Variants in ARHGAP29 observed in about 807,000 individuals in gnomAD.
The protein encoded by ARHGAP29 is Rho GTPase activating protein 29, also known as rho GTPase-activating protein 29.
Under a neutral mutation model 122.6 loss-of-function variants are expected in ARHGAP29, and 43 were observed. That is an observed-to-expected ratio of 0.35 (90% CI 0.27 to 0.45). The LOEUF (loss-of-function observed/expected upper bound fraction) is 0.45, where lower values mean the gene tolerates loss of function less well. Ranked by LOEUF, ARHGAP29 falls within the 20% of genes least tolerant of loss-of-function variation. ARHGAP29 has a pLI of 1.00. For missense variants in ARHGAP29, 1,303 were observed against 1,477.2 expected (o/e 0.88, Z 1.93); for synonymous variants, 506 against 497.1 (o/e 1.02, Z -0.24).
intron 1 of ARHGAP29, chr1:94,248,125 C>G (rs1299944680): frequency 6.6e-6 from 1 of 152,200 alleles, no homozygotes; most frequent in African/African-American, 2.4e-5. Context: ...TTCTCCCATT[C>G]AAAACAAAAG....
In ARHGAP29 at chr1:94,255,913, G is replaced by T. The variant is rs558338512; in HGVS notation, c.-33+19099C>A. On this transcript the variant is annotated intron_variant and NMD_transcript_variant, in intron 1 of 25. Transcript: ENST00000552844. Reference sequence around the variant, plus strand: ...AATACTAATTCCATCACTGTGCTTGGTTTATAATATGAGCTCAATAAGCAT... The same window carrying T: ...AATACTAATTCCATCACTGTGCTTGTTTTATAATATGAGCTCAATAAGCAT... Among the ~76,000 whole-genome samples the T allele has an allele frequency of 2.6e-5, 4 of 152,204 alleles. No individual in the cohort carries two copies. The South Asian group carries it at 8.3e-4, about 32-fold the overall frequency.
chr1:94,284,871 A>G, the ARHGAP29 span, among the ~76,000 whole-genome samples: 2 of 152,218 alleles, frequency 1.3e-5, no homozygotes, highest in African/African-American at 4.8e-5. Flanking sequence ...CTCCATAAAC[A>G]TATGTTGAAG....
rs148211924 is a variant in ARHGAP29, at chr1:94,212,562, G to A, written c.341-3212C>T. Reference sequence around the variant, plus strand: ...ATAGTTTATAACCCTATCCAAAATTGTATAATTATTCTTACTTTCTTGTAT... The same window carrying A: ...ATAGTTTATAACCCTATCCAAAATTATATAATTATTCTTACTTTCTTGTAT... On this transcript the variant is annotated intron_variant, in intron 3 of 22. Transcript: ENST00000260526. Among the ~76,000 whole-genome samples, 241 of 152,104 alleles carry A rather than the reference G, an allele frequency of 1.6e-3. 3 individuals are homozygous for A. Among genetic ancestry groups the A allele is most frequent in the African/African-American group, 5.4e-3 (225 of 41,516 alleles).
Position 94,173,466 on chromosome 1 carries a change from T to C in ARHGAP29, c.*403A>G, listed in dbSNP as rs1345924278. On this transcript the variant is annotated 3_prime_UTR_variant, in exon 23 of 23. Coordinates refer to ENST00000260526, the MANE Select transcript of ARHGAP29 (RefSeq NM_004815.4). ...GGCACTTGCATTCAGAAACATTCCT[T>C]TTATAAATAAGCACTTATAACAGTT... 1.3e-5 allele frequency: 2 copies of C among 158,342 alleles called. No homozygotes were observed. The highest frequency in any genetic ancestry group is 4.8e-5 in the African/African-American group (2 of 41,526). The allele number at this position is 158,342 out of a possible 1,614,324, so 9.8% of individuals were successfully genotyped here.
chr1:94,215,324 C>CAA (rs570194324), intron 3 of ARHGAP29, among the ~76,000 whole-genome samples: 1 of 144,086 alleles, frequency 6.9e-6, no homozygotes, highest in Non-Finnish European at 1.5e-5. Context: ...CAAAACAAAA[C>CAA]AAAAAAAAAA....
chr1:94,209,821 A>G (rs555986087), intron 3 of ARHGAP29, among the ~76,000 whole-genome samples: 163 of 151,438 alleles, frequency 1.1e-3, no homozygotes, highest in African/African-American at 3.8e-3. Context: ...ATATATACAT[A>G]TACATATATT....
chr1:94,210,265 C>G (rs993574699), intron 3 of ARHGAP29, among the ~76,000 whole-genome samples: 3 of 152,132 alleles, frequency 2.0e-5, no homozygotes, highest in Non-Finnish European at 4.4e-5. Context: ...AGAAGTCACT[C>G]TCTATTTTAA....
In ARHGAP29 at chr1:94,197,007, T is replaced by C. The variant is rs142386736; in HGVS notation, c.1281+4713A>G. 7.2e-5 allele frequency among the ~76,000 whole-genome samples: 11 copies of C among 152,022 alleles called. No homozygotes were observed. In the East Asian group the frequency reaches 1.7e-3, roughly 24 times the overall value. On this transcript the variant is annotated intron_variant, in intron 12 of 22. Coordinates refer to ENST00000260526, the MANE Select transcript of ARHGAP29 (RefSeq NM_004815.4). The stretch of plus-strand genomic sequence containing the variant: ...AAAGGCAAAATAAACCCAAAGAAAG[T>C]AGAAATAAGAATAAAATGCAGAAAT...
chr1:94,243,218 A>T (rs1653667633), intron 1 of ARHGAP29, among the ~76,000 whole-genome samples: 1 of 75,712 alleles, frequency 1.3e-5, no homozygotes, highest in African/African-American at 4.5e-5. Flanking sequence ...AGACATTTAC[A>T]GAAAATTCCA....
At position 94,170,505 on chromosome 1, in the gene ARHGAP29, C is replaced by T. The variant is rs1648661751; in HGVS notation, c.*3364G>A. Among the ~76,000 whole-genome samples the T allele has an allele frequency of 6.6e-6, 1 of 152,234 alleles. No homozygotes were observed. The highest frequency in any genetic ancestry group is 1.5e-5 in the Non-Finnish European group (1 of 68,014). ...GGATTGGGATGCTGAAACACAGGAA[C>T]ATTACTGAGGCAATCAAAATCAGCA... On this transcript the variant is annotated 3_prime_UTR_variant, in exon 23 of 23. Transcript: ENST00000260526.
chr1:94,298,351 G>A, the ARHGAP29 span, among the ~76,000 whole-genome samples: 20 of 152,020 alleles, frequency 1.3e-4, no homozygotes, highest in African/African-American at 4.3e-4. Flanking sequence ...AAGTGTTTAC[G>A]GTCTTTCTAT....
chr1:94,301,453 C>A, the ARHGAP29 span, among the ~76,000 whole-genome samples: 3 of 152,188 alleles, frequency 2.0e-5, no homozygotes, highest in African/African-American at 7.2e-5. Flanking sequence ...TGAACACCTA[C>A]AACTCCTGAC....
chr1:94,184,740 T>A, intron 18 of ARHGAP29, 132 bp downstream of exon 18: 1 of 745,236 alleles, frequency 1.3e-6, no homozygotes, highest in Non-Finnish European at 2.0e-6. Context: ...GGCAACAGAG[T>A]GAGACCGTGT....
At chr1:94,310,204 T>G in the ARHGAP29 span, among the ~76,000 whole-genome samples, 3 of 152,122 alleles carry the variant, frequency 2.0e-5, no homozygotes, top group Admixed American at 1.3e-4. Context: ...CTGGCAGCAA[T>G]ACCTGGGCAA....
rs1303662694 is a variant in ARHGAP29, at chr1:94,195,905, AG to A, written c.1281+5814del. On this transcript the variant is annotated intron_variant, in intron 12 of 22. Coordinates refer to ENST00000260526, the MANE Select transcript of ARHGAP29 (RefSeq NM_004815.4). ...AGCAAGGGAATTTATCAGTATAAAA[AG>A]AGACACATTTCTAGGGATAAAAGGA... The A allele has an allele frequency of 5.9e-5, 9 of 152,330 alleles. 1 individual carries two copies. In the East Asian group the frequency reaches 1.5e-3, roughly 26 times the overall value. The allele number at this position is 152,330 out of a possible 1,614,324, so 9.4% of individuals were successfully genotyped here. A position where few individuals can be genotyped will look rare whatever the true frequency, so the allele number is the denominator to read the frequency against.
chr1:94,222,802 T>A (rs1173476648), intron 2 of ARHGAP29, among the ~76,000 whole-genome samples: 1 of 152,186 alleles, frequency 6.6e-6, no homozygotes, highest in Non-Finnish European at 1.5e-5. Flanking sequence ...TGTATAGGAC[T>A]ATATGGGAAC....
the ARHGAP29 span, among the ~76,000 whole-genome samples, chr1:94,296,023 G>T: frequency 1.6e-4 from 24 of 152,118 alleles, no homozygotes; most frequent in Non-Finnish European, 2.8e-4. Context: ...TGGGAAGAAG[G>T]CAGAGGAATA....
rs1245839005 is a variant in ARHGAP29, at chr1:94,243,791, C to T, written c.-32-12148G>A. Among the ~76,000 whole-genome samples the T allele has an allele frequency of 2.0e-5, 3 of 151,434 alleles. No individual in the cohort carries two copies. The East Asian group carries it at 5.8e-4, about 29-fold the overall frequency. On this transcript the variant is annotated intron_variant and NMD_transcript_variant, in intron 1 of 25. Transcript: ENST00000552844. Reference sequence around the variant, plus strand: ...TTAAATTGATAAATATCTAGCTAGGCTGATCGAGAAATAGAGAAAACACAA... The same window carrying T: ...TTAAATTGATAAATATCTAGCTAGGTTGATCGAGAAATAGAGAAAACACAA...
At chr1:94,295,263 T>C in the ARHGAP29 span, among the ~76,000 whole-genome samples, 1 of 152,042 alleles carries the variant, frequency 6.6e-6, no homozygotes, top group Non-Finnish European at 1.5e-5. Flanking sequence ...TTTTGCCAAG[T>C]GGGTATATAG....
Sources: gnomAD v4.1 joint callset for allele counts (sites outside exome capture counted in the v4.1 genomes callset) on GRCh38, gnomAD v4.1.1 for gene constraint, MANE v1.5 for transcripts, NCBI Gene and HGNC (gene_info 2026-07-23, HGNC 2026-07-21) for gene names.